The following ZNF717 variants were observed in gnomAD, a reference collection of about 807,000 sequenced individuals.
ZNF717 encodes the protein krueppel-like factor X17.
A neutral mutation model predicts 13.8 loss-of-function variants in ZNF717; 9 were observed. That is an observed-to-expected ratio of 0.65 (90% CI 0.39 to 1.14). ZNF717 has a LOEUF of 1.14. Among genes scored for constraint, ZNF717 ranks in the 50% most tolerant of loss-of-function variants. The pLI is 0.01. For missense variants in ZNF717, 1,040 were observed against 1,080.7 expected (o/e 0.96, Z 0.53); for synonymous variants, 327 against 364.1 (o/e 0.90, Z 1.16).
At chr3:75,764,997 A>G (rs1274539892) in intron 2 of ZNF717, among the ~76,000 whole-genome samples, 1 of 78,996 alleles carries the variant, frequency 1.3e-5, no homozygotes, top group African/African-American at 6.2e-5. Context: ...AAGGATATAT[A>G]TATATATATA....
At chr3:75,783,864 T>C (rs76595944) in intron 1 of ZNF717, among the ~76,000 whole-genome samples, 1 of 151,986 alleles carries the variant, frequency 6.6e-6, no homozygotes. Context: ...CTACAATTAC[T>C]TTTTTTTAAA....
intron 2 of ZNF717, among the ~76,000 whole-genome samples, chr3:75,743,839 G>GAAA: frequency 6.6e-6 from 1 of 152,246 alleles, no homozygotes; most frequent in Non-Finnish European, 1.5e-5. Flanking sequence ...AAAAATAAAA[G>GAAA]AATACGATAA....
At chr3:75,713,547 A>G (rs1937987051) in intron 5 of ZNF717, among the ~76,000 whole-genome samples, 1 of 152,210 alleles carries the variant, frequency 6.6e-6, no homozygotes, top group Non-Finnish European at 1.5e-5. Context: ...TCAGTATTTT[A>G]TGGGTGAGAA....
intron 2 of ZNF717, among the ~76,000 whole-genome samples, chr3:75,779,954 A>G (rs546541808): frequency 1.4e-5 from 2 of 146,450 alleles, no homozygotes; most frequent in African/African-American, 5.1e-5. Context: ...ACAATGGGAG[A>G]GATGTGCTAA....
chr3:75,743,434 G>A (rs1446832599), intron 2 of ZNF717, among the ~76,000 whole-genome samples: 6 of 152,136 alleles, frequency 3.9e-5, no homozygotes, highest in Admixed American at 3.3e-4. Context: ...ATATACACTG[G>A]CATTTCAAAA....
intron 6 of ZNF717, among the ~76,000 whole-genome samples, chr3:75,704,323 C>A (rs1937757062): frequency 6.6e-6 from 1 of 152,300 alleles, no homozygotes; most frequent in African/African-American, 2.4e-5. Flanking sequence ...GTATCAGGAC[C>A]CTCTTTTCCA....
chr3:75,739,696 T>A (rs1317646556), intron 4 of ZNF717, among the ~76,000 whole-genome samples: 3 of 152,134 alleles, frequency 2.0e-5, no homozygotes, highest in Non-Finnish European at 4.4e-5. Context: ...TTTATTCATA[T>A]AACAATAGTG....
rs1218666072 is a variant in ZNF717 at position 75,737,948 on chromosome 3, C to G, written c.1675G>C (p.Gly559Arg). 7 of 1,555,376 alleles carry G rather than the reference C, an allele frequency of 4.5e-6. No individual in the cohort carries two copies. The highest frequency in any genetic ancestry group is 6.1e-6 in the Non-Finnish European group (7 of 1,149,380). Reference sequence around the variant, plus strand: ...TCATTACATTCATAGGGTTTTTCCCCTGTGTGAGTTCTGTGATGTACTGTA... The same window carrying G: ...TCATTACATTCATAGGGTTTTTCCCGTGTGTGAGTTCTGTGATGTACTGTA... ...YLTVHHRTHT[G>R]EKPYECNECG... The change falls in exon 5 of 5, where the codon GGG becomes CGG. Residue 559 changes from glycine to arginine, a missense_variant. Gly to Arg is a moderately radical substitution (Grantham distance 125). Coordinates refer to ENST00000652011, the MANE Select transcript of ZNF717 (RefSeq NM_001290208.3).
chr3:75,722,604 C>T (rs1285486658), intron 4 of ZNF717, among the ~76,000 whole-genome samples: 9 of 151,934 alleles, frequency 5.9e-5, no homozygotes, highest in African/African-American at 2.2e-4. Flanking sequence ...CACTTGAGGT[C>T]AGGAGTTTGA....
intron 4 of ZNF717, 138 bp from the exon 5 acceptor site, chr3:75,739,483 G>A (rs1156862943): frequency 3.4e-5 from 16 of 475,026 alleles, no homozygotes; most frequent in Non-Finnish European, 5.0e-5. Flanking sequence ...GGTTTTATAT[G>A]CATATGGTTT....
At chr3:75,740,968 T>TAAA (rs1940342116) in intron 4 of ZNF717, among the ~76,000 whole-genome samples, 1 of 142,510 alleles carries the variant, frequency 7.0e-6, no homozygotes, top group South Asian at 2.2e-4. Flanking sequence ...CTAAAAAAAT[T>TAAA]TTTAAGATAC....
chr3:75,706,805 G>A (rs1937811899), downstream of ZNF717, among the ~76,000 whole-genome samples: 3 of 152,304 alleles, frequency 2.0e-5, no homozygotes, highest in East Asian at 3.8e-4. Context: ...TTAGGTATGG[G>A]AGCAGATGAC....
chr3:75,719,679 A>G (rs3009057), intron 4 of ZNF717, among the ~76,000 whole-genome samples: 152,005 of 152,276 alleles, frequency 1, 75,867 homozygotes, highest in Middle Eastern at 1. Flanking sequence ...CATCTTGGCC[A>G]GATGCAGTGG....
chr3:75,777,999 C>T (rs1461340950), intron 2 of ZNF717, among the ~76,000 whole-genome samples: 1 of 144,806 alleles, frequency 6.9e-6, no homozygotes, highest in Non-Finnish European at 1.5e-5. Flanking sequence ...GAGTGACTTG[C>T]TAAAACCGGA....
chr3:75,754,684 A>G (rs1352592078), intron 2 of ZNF717, among the ~76,000 whole-genome samples: 2 of 152,220 alleles, frequency 1.3e-5, no homozygotes, highest in Non-Finnish European at 2.9e-5. Flanking sequence ...CACTGAAATG[A>G]ACAAAAGATG....
At chr3:75,734,785 ATG>A (rs1938938691), downstream of ZNF717, among the ~76,000 whole-genome samples, 1 of 139,892 alleles carries the variant, frequency 7.1e-6, no homozygotes, top group Admixed American at 7.4e-5. Context: ...TATAATAACA[ATG>A]TATGCAATTA....
At position 75,737,816 on chromosome 3, in the gene ZNF717, T is replaced by C; in HGVS notation, c.1807A>G (p.Lys603Glu). ...CTCTTGTGTATCCCAAGGTTTAACT[T>C]ATTGATAAAGGTTTTCTCACATTCA... ...CNECEKTFINKLNLGIHKRTH... is the reference protein window; with the variant it reads ...CNECEKTFINELNLGIHKRTH... Residue 603 changes from lysine (K) to glutamate (E), a missense_variant, in exon 5 of 5, where the codon AAG becomes GAG. Lys to Glu is a moderately conservative substitution (Grantham distance 56). Transcript: ENST00000652011. The C allele has an allele frequency of 6.4e-7, 1 of 1,551,192 alleles. No individual in the cohort carries two copies. Among genetic ancestry groups the C allele is most frequent in the South Asian group, 1.2e-5 (1 of 83,970 alleles).
intron 6 of ZNF717, among the ~76,000 whole-genome samples, chr3:75,700,342 A>C (rs80123642): frequency 2.4e-4 from 37 of 152,016 alleles, no homozygotes; most frequent in African/African-American, 8.2e-4. Flanking sequence ...GCAGTGAGCC[A>C]AGATCACATC....
At chr3:75,775,320 T>C (rs1213369238) in intron 2 of ZNF717, among the ~76,000 whole-genome samples, 4 of 152,380 alleles carry the variant, frequency 2.6e-5, no homozygotes, top group African/African-American at 7.2e-5. Flanking sequence ...TCCTTGTCAA[T>C]TGTCTTTAAC....
Sources: allele counts gnomAD v4.1 joint callset (sites outside exome capture counted in the v4.1 genomes callset), GRCh38; gene constraint gnomAD v4.1.1; transcripts MANE v1.5; gene names NCBI Gene and HGNC (gene_info 2026-07-23, HGNC 2026-07-21).